The following CACNG4 variants were observed in gnomAD, a reference collection of about 807,000 sequenced individuals.
The protein encoded by CACNG4 is voltage-dependent calcium channel gamma-4 subunit.
In CACNG4, 8 loss-of-function variants were observed where a neutral mutation model predicts 22.9. The ratio of observed to expected loss-of-function variants is 0.35; its 90% CI spans 0.21 to 0.63. The LOEUF is 0.63. CACNG4 is among the 30% of genes least tolerant of loss of function. The pLI, the probability that CACNG4 is intolerant of heterozygous loss-of-function variation, is 0.72. For synonymous variants in CACNG4, 188 were observed against 191.9 expected (o/e 0.98, Z 0.17); for missense variants, 357 against 455.4 (o/e 0.78, Z 1.97).
intron 1 of CACNG4, among the ~76,000 whole-genome samples, chr17:66,986,043 C>T (rs2035303923): frequency 6.6e-6 from 1 of 152,216 alleles, no homozygotes; most frequent in Admixed American, 6.5e-5. Context: ...CATAGTTACC[C>T]AGTGCCTACC....
chr17:67,005,778 C>T (rs1270479144), intron 1 of CACNG4, among the ~76,000 whole-genome samples: 3 of 152,214 alleles, frequency 2.0e-5, no homozygotes, highest in African/African-American at 7.2e-5. Flanking sequence ...TTGTAGTTCC[C>T]TGGACTGCTA....
rs556396285 is a variant in CACNG4 at position 66,979,904 on chromosome 17, TGCCA to T, written c.220+14774_220+14777del. Among the ~76,000 whole-genome samples the T allele has an allele frequency of 4.2e-3, 633 of 152,028 alleles. 5 individuals are homozygous for T. Among genetic ancestry groups the T allele is most frequent in the African/African-American group, 0.014 (595 of 41,470 alleles). ...CCAAGTAGCTGGGATTACAGGCATG[TGCCA>T]CCATGCCCAGCTAATTTTTGTATTT... On this transcript the variant is annotated intron_variant, in intron 1 of 3. Coordinates refer to ENST00000262138, the MANE Select transcript of CACNG4 (RefSeq NM_014405.4).
intron 1 of CACNG4, among the ~76,000 whole-genome samples, chr17:66,979,018 C>T (rs1438993916): frequency 6.6e-6 from 1 of 152,184 alleles, no homozygotes; most frequent in African/African-American, 2.4e-5. Flanking sequence ...CCCGCACCCT[C>T]CTTCCAGCCA....
intron 1 of CACNG4, among the ~76,000 whole-genome samples, chr17:66,989,332 AAGG>A (rs941223865): frequency 2.0e-5 from 3 of 151,460 alleles, no homozygotes; most frequent in African/African-American, 7.3e-5. Context: ...ATAAAAAAAA[AAGG>A]AGAAGAGACA....
chr17:66,989,016 A>ATTTTCTTTGTGCTTCT (rs1304476338), intron 1 of CACNG4, among the ~76,000 whole-genome samples: 38 of 140,578 alleles, frequency 2.7e-4, no homozygotes, highest in African/African-American at 8.1e-4. Context: ...AGCCAAGATC[A>ATTTTCTTTGTGCTTCT]TGCCACTGTA....
chr17:66,967,317 A>C (rs1272586246), intron 1 of CACNG4, among the ~76,000 whole-genome samples: 1 of 152,166 alleles, frequency 6.6e-6, no homozygotes, highest in East Asian at 1.9e-4. Flanking sequence ...CCCAATGCTC[A>C]GTGGTTCTGA....
chr17:66,992,441 ATC>A (rs2143310350), intron 1 of CACNG4, among the ~76,000 whole-genome samples: 2 of 152,330 alleles, frequency 1.3e-5, no homozygotes, highest in African/African-American at 4.8e-5. Flanking sequence ...GGCGCAGGGG[ATC>A]CATCAAATAA....
chr17:66,971,293 G>A (rs1008269184), intron 1 of CACNG4, among the ~76,000 whole-genome samples: 4 of 148,434 alleles, frequency 2.7e-5, no homozygotes, highest in Non-Finnish European at 5.9e-5. Context: ...CCTTGAGGAG[G>A]GGTTTCCAGC....
chr17:66,977,129 G>A (rs1336034830), intron 1 of CACNG4, among the ~76,000 whole-genome samples: 1 of 152,100 alleles, frequency 6.6e-6, no homozygotes, highest in East Asian at 1.9e-4. Flanking sequence ...GTCATCTCTC[G>A]CCTGGATGCC....
At chr17:67,011,655 G>GAATGAATGAA (rs545105701) in intron 1 of CACNG4, among the ~76,000 whole-genome samples, 1 of 120,142 alleles carries the variant, frequency 8.3e-6, no homozygotes, top group African/African-American at 4.3e-5. Context: ...GAATGAATGA[G>GAATGAATGAA]TGAGATGAGT....
At chr17:67,028,399 A>G (rs961104075) in intron 3 of CACNG4, among the ~76,000 whole-genome samples, 6 of 152,080 alleles carry the variant, frequency 3.9e-5, no homozygotes, top group Non-Finnish European at 8.8e-5. Context: ...TAAAAATACA[A>G]AGAATTAGCT....
At chr17:67,003,771 C>T (rs1173204412) in intron 1 of CACNG4, among the ~76,000 whole-genome samples, 1 of 152,164 alleles carries the variant, frequency 6.6e-6, no homozygotes, top group Non-Finnish European at 1.5e-5. Context: ...CTAGAGCAGG[C>T]AATGGACAGG....
chr17:67,009,471 G>A (rs984075843), intron 1 of CACNG4, among the ~76,000 whole-genome samples: 1 of 151,998 alleles, frequency 6.6e-6, no homozygotes, highest in East Asian at 1.9e-4. Context: ...TCTCCTTGCT[G>A]CTCCTATCCC....
intron 1 of CACNG4, among the ~76,000 whole-genome samples, chr17:66,994,490 C>T (rs971472690): frequency 1.3e-5 from 2 of 152,200 alleles, no homozygotes; most frequent in African/African-American, 4.8e-5. Flanking sequence ...AGGTGCGGCA[C>T]AGAGGGATTA....
At chr17:66,993,075 G>A (rs940556631) in intron 1 of CACNG4, among the ~76,000 whole-genome samples, 5 of 152,180 alleles carry the variant, frequency 3.3e-5, no homozygotes, top group Non-Finnish European at 5.9e-5. Flanking sequence ...GAACCCTCAG[G>A]GTGGCACCTG....
chr17:67,026,485 C>G (rs377515176), intron 3 of CACNG4, among the ~76,000 whole-genome samples: 6 of 128,498 alleles, frequency 4.7e-5, no homozygotes, highest in South Asian at 2.6e-4. Context: ...TGGGGTGTGT[C>G]TGTATTTGAG....
rs1262933505 is a variant in CACNG4 at position 67,032,013 on chromosome 17, G to A, written c.*1009G>A. The A allele has an allele frequency of 2.2e-6, 1 of 455,608 alleles. No individual in the cohort carries two copies. The highest frequency in any genetic ancestry group is 4.4e-6 in the Non-Finnish European group (1 of 226,610). 28.2% of individuals were successfully genotyped at this position (455,608 alleles called of 1,614,324 possible). On this transcript the variant is annotated 3_prime_UTR_variant, in exon 4 of 4. Coordinates refer to ENST00000262138, the MANE Select transcript of CACNG4 (RefSeq NM_014405.4). ...TAGAGAACAAACATCCATTTCCTAGGTGGTTACAAATCATAACTTCCTGCA... is the reference window on the plus strand; with the variant it reads ...TAGAGAACAAACATCCATTTCCTAGATGGTTACAAATCATAACTTCCTGCA...
chr17:66,997,186 CA>C (rs2035380501), intron 1 of CACNG4, among the ~76,000 whole-genome samples: 1 of 152,056 alleles, frequency 6.6e-6, no homozygotes, highest in Non-Finnish European at 1.5e-5. Flanking sequence ...ACAGGGATAC[CA>C]GTAAAAAGGA....
At position 67,028,358 on chromosome 17, in the gene CACNG4, T is replaced by C. The variant is rs185364408; in HGVS notation, c.446-2108T>C. Among the ~76,000 whole-genome samples, 865 of 151,956 alleles carry C rather than the reference T, an allele frequency of 5.7e-3. 12 individuals carry two copies. The highest frequency in any genetic ancestry group is 0.018 in the African/African-American group (766 of 41,420). ...CACAAGCTCAGGAGATCGAGACCATTCTGGCTAACACGGTGAAACCCCGTC... is the reference window on the plus strand; with the variant it reads ...CACAAGCTCAGGAGATCGAGACCATCCTGGCTAACACGGTGAAACCCCGTC... On this transcript the variant is annotated intron_variant, in intron 3 of 3. Coordinates refer to ENST00000262138, the MANE Select transcript of CACNG4 (RefSeq NM_014405.4).
Sources: gnomAD v4.1 joint callset for allele counts (sites outside exome capture counted in the v4.1 genomes callset) on GRCh38, gnomAD v4.1.1 for gene constraint, MANE v1.5 for transcripts, NCBI Gene and HGNC (gene_info 2026-07-23, HGNC 2026-07-21) for gene names.